BUD13: variants seen among roughly 807,000 people sequenced by gnomAD.
BUD13 encodes the protein BUD13 spliceosome associated protein, also known as BUD13 homolog.
A neutral mutation model predicts 62.5 loss-of-function variants in BUD13; 47 were observed. That is an observed-to-expected ratio of 0.75 (90% CI 0.60 to 0.96). The LOEUF is 0.96. Ranked by LOEUF, BUD13 falls within the 40% of genes least tolerant of loss-of-function variation. BUD13 has a pLI of 0.00. For synonymous variants in BUD13, 293 were observed against 280.1 expected, an observed-to-expected ratio of 1.05 and a Z score of -0.46; for missense variants, 821 against 790.9, an observed-to-expected ratio of 1.04 and a Z score of -0.46.
rs1940177298 is a variant in BUD13, at chr11:116,748,450, A to G, written c.*32T>C. 6.2e-7 allele frequency: 1 copy of G among 1,602,544 alleles called. No individual in the cohort carries two copies. The highest frequency in any genetic ancestry group is 2.2e-5 in the East Asian group (1 of 44,824). On this transcript the variant is annotated 3_prime_UTR_variant, in exon 10 of 10. Transcript: ENST00000260210. ...TATCTCGCTGCCTATGCCCACTACCACAGCCCAGCCACCCCCACAGCCTCA... is the reference window on the plus strand; with the variant it reads ...TATCTCGCTGCCTATGCCCACTACCGCAGCCCAGCCACCCCCACAGCCTCA...
At chr11:116,767,891 T>A (rs1263110629) in intron 2 of BUD13, among the ~76,000 whole-genome samples, 4 of 151,406 alleles carry the variant, frequency 2.6e-5, no homozygotes, top group East Asian at 1.9e-4. Context: ...GAGGATTGCT[T>A]GCACCTGGAA....
At chr11:116,760,584 GAAGGAAAGACCTCCA>G in intron 5 of BUD13, 136 bp downstream of exon 5, 1 of 820,076 alleles carries the variant, frequency 1.2e-6, no homozygotes, top group Non-Finnish European at 1.9e-6. Flanking sequence ...TTTGCCTTCA[GAAGGAAAGACCTCCA>G]AAGGTCCTTT....
chr11:116,751,595 A>G (rs984967834), intron 9 of BUD13, among the ~76,000 whole-genome samples: 8 of 151,788 alleles, frequency 5.3e-5, no homozygotes, highest in Non-Finnish European at 8.8e-5. Context: ...GCCATTTTGC[A>G]CTCCAGCCTG....
intron 9 of BUD13, among the ~76,000 whole-genome samples, chr11:116,751,929 C>T (rs1253352469): frequency 6.6e-6 from 1 of 152,030 alleles, no homozygotes; most frequent in Non-Finnish European, 1.5e-5. Flanking sequence ...AGGCAAACTG[C>T]TTATTTATTG....
At chr11:116,769,579 G>A (rs555252349) in intron 2 of BUD13, among the ~76,000 whole-genome samples, 9 of 152,268 alleles carry the variant, frequency 5.9e-5, no homozygotes, top group African/African-American at 1.2e-4. Context: ...CACTGATGTC[G>A]AGAAGTCCTC....
In BUD13 at chr11:116,763,242, T is replaced by A. The variant is rs565380559; in HGVS notation, c.347A>T (p.Asn116Ile). ...LGGHNEDLPS[N>I]RHFRHDTPDS... ...CGGGGTATCGTGACGAAAATGTCTG[T>A]TTGAGGGTAGGTCTTCGTTGTGGCC... The change falls in exon 4 of 10, where the codon AAC becomes ATC. Residue 116 changes from asparagine to isoleucine, a missense_variant. Around this residue, in one of 2 missense-constraint regions of BUD13, gnomAD observed 800 missense variants for 739.2 expected, o/e 1.08. Transcript: ENST00000260210. The A allele has an allele frequency of 6.5e-7, 1 of 1,543,800 alleles. No individual in the cohort carries two copies. The highest frequency in any genetic ancestry group is 1.4e-5 in the African/African-American group (1 of 72,888).
chr11:116,768,667 T>G (rs1021398142), intron 2 of BUD13, among the ~76,000 whole-genome samples: 7 of 152,198 alleles, frequency 4.6e-5, no homozygotes, highest in Non-Finnish European at 8.8e-5. Context: ...ATTTCCCTTC[T>G]AATTACTAGC....
At chr11:116,763,759 C>T (rs141673987) in intron 3 of BUD13, among the ~76,000 whole-genome samples, 1 of 152,296 alleles carries the variant, frequency 6.6e-6, no homozygotes, top group East Asian at 1.9e-4. Flanking sequence ...TTTGTACTCA[C>T]TCTTCTTTCA....
Position 116,763,087 on chromosome 11 carries a change from C to G in BUD13, c.502G>C (p.Ala168Pro), listed in dbSNP as rs1332289209. Residue 168 changes from alanine (A) to proline (P), a missense_variant, in exon 4 of 10, where the codon GCT becomes CCT. Around this residue, in one of 2 missense-constraint regions of BUD13, gnomAD observed 800 missense variants for 739.2 expected, o/e 1.08. Coordinates refer to ENST00000260210, the MANE Select transcript of BUD13 (RefSeq NM_032725.4). ...DTPDPSPLRG[A>P]RHDSDTSPPR... ...GGAGATGTGTCTGAGTCATGACGAG[C>G]CCCTCTGAGGGGAGAAGGATCCGGG... The G allele has an allele frequency of 1.3e-6, 2 of 1,579,550 alleles. No individual in the cohort carries two copies. Among genetic ancestry groups the G allele is most frequent in the Non-Finnish European group, 8.6e-7 (1 of 1,157,164 alleles).
rs1940362342 is a variant in BUD13, at chr11:116,758,022, C to T, written c.1500-72G>A. The T allele has an allele frequency of 2.6e-6, 4 of 1,565,354 alleles. No individual in the cohort carries two copies. In the South Asian group the frequency reaches 3.5e-5, roughly 14 times the overall value. On this transcript the variant is annotated intron_variant, in intron 7 of 9. Transcript: ENST00000260210. ...CCACTTCTACACGAGATGGACCATA[C>T]TGCTAAGTTTGGACAATCTCCTCTT...
At chr11:116,765,516 CT>C (rs949236698) in intron 2 of BUD13, 70 bp from the exon 3 acceptor site, 18 of 1,549,172 alleles carry the variant, frequency 1.2e-5, no homozygotes, top group Non-Finnish European at 1.6e-5. Context: ...TCTCAAGAAC[CT>C]GAAGTTACAA....
intron 2 of BUD13, among the ~76,000 whole-genome samples, chr11:116,768,500 A>AT (rs960190739): frequency 2.0e-5 from 3 of 152,230 alleles, no homozygotes; most frequent in African/African-American, 7.2e-5. Flanking sequence ...GGATGGTAAC[A>AT]TGCAAGTGTT....
chr11:116,766,124 T>A (rs1421224635), intron 2 of BUD13, among the ~76,000 whole-genome samples: 1 of 152,246 alleles, frequency 6.6e-6, no homozygotes, highest in Non-Finnish European at 1.5e-5. Flanking sequence ...ACTAGTACCG[T>A]ATCTGCCTTC....
chr11:116,762,676 A>C lies in BUD13; in HGVS notation c.913T>G (p.Ser305Ala), dbSNP rs1361994737. 6.2e-7 allele frequency: 1 copy of C among 1,613,952 alleles called. No homozygotes were observed. Among genetic ancestry groups the C allele is most frequent in the South Asian group, 1.1e-5 (1 of 91,066 alleles). Residue 305 changes from serine to alanine, a missense_variant, in exon 4 of 10, where the codon TCA becomes GCA. Ser to Ala is a moderately conservative substitution (Grantham distance 99). Around this residue, in one of 2 missense-constraint regions of BUD13, gnomAD observed 800 missense variants for 739.2 expected, o/e 1.08. Coordinates refer to ENST00000260210, the MANE Select transcript of BUD13 (RefSeq NM_032725.4). ...SSKTSPHWKE[S>A]GASHLSFPKN... ...GGGAATGACAAATGGGAGGCTCCTG[A>C]CTCCTTCCAATGTGGAGAAGTCTTG...
At position 116,748,377 on chromosome 11, in the gene BUD13, G is replaced by T; in HGVS notation, c.*105C>A. On this transcript the variant is annotated 3_prime_UTR_variant, in exon 10 of 10. Coordinates refer to ENST00000260210, the MANE Select transcript of BUD13 (RefSeq NM_032725.4). ...CAAAACTGGCATTCAACAAGTTGCT[G>T]GTCTGTGTGGGCTCCAATTATTAGC... 1.0e-6 allele frequency: 1 copy of T among 973,786 alleles called. No individual in the cohort carries two copies. The highest frequency in any genetic ancestry group is 1.6e-6 in the Non-Finnish European group (1 of 626,650). 60.3% of individuals were successfully genotyped at this position (973,786 alleles called of 1,614,324 possible). A position where few individuals can be genotyped will look rare whatever the true frequency, so the allele number is the denominator to read the frequency against.
intron 5 of BUD13, among the ~76,000 whole-genome samples, chr11:116,759,673 G>A (rs892849433): frequency 1.2e-4 from 18 of 152,240 alleles, no homozygotes; most frequent in African/African-American, 2.9e-4. Context: ...ATCAGCCCAC[G>A]AATGAAGCAC....
chr11:116,758,872 A>G (rs1418957986), intron 6 of BUD13, among the ~76,000 whole-genome samples: 1 of 152,124 alleles, frequency 6.6e-6, no homozygotes, highest in African/African-American at 2.4e-5. Flanking sequence ...GATTACAAGC[A>G]TGAGCCACCG....
intron 9 of BUD13, among the ~76,000 whole-genome samples, chr11:116,752,345 G>A (rs557413100): frequency 2.2e-3 from 333 of 152,056 alleles, no homozygotes; most frequent in Middle Eastern, 3.4e-3. Context: ...GCAGCAGGCC[G>A]AAAAGAGACA....
rs779352558 is a variant in BUD13, at chr11:116,772,959, C to G, written c.6G>C (p.Ala2=). ...CGGCCTTGGAAAGCGGCGGAGCTGCCGCCATGGCAGCGGCGGGGGCAGAGA... is the reference window on the plus strand; with the variant it reads ...CGGCCTTGGAAAGCGGCGGAGCTGCGGCCATGGCAGCGGCGGGGGCAGAGA... M[A]AAPPLSKAEY... Residue 2 remains alanine (A), a synonymous_variant, in exon 1 of 10, where the codon GCG becomes GCC. Coordinates refer to ENST00000260210, the MANE Select transcript of BUD13 (RefSeq NM_032725.4). 6 of 1,553,820 alleles carry G rather than the reference C, an allele frequency of 3.9e-6. No homozygotes were observed. Among genetic ancestry groups the G allele is most frequent in the African/African-American group, 1.4e-5 (1 of 71,330 alleles).
Sources: gnomAD v4.1 joint callset for allele counts (sites outside exome capture counted in the v4.1 genomes callset) on GRCh38, gnomAD v4.1.1 for gene constraint, gnomAD v4.1.1 regional missense constraint, MANE v1.5 for transcripts, NCBI Gene and HGNC (gene_info 2026-07-23, HGNC 2026-07-21) for gene names.